Variants in HEXD observed in about 807,000 individuals in gnomAD.
HEXD encodes the protein N-acetyl-beta-galactosaminidase.
HEXD carries 47 observed loss-of-function variants against 54.2 expected under a neutral mutation model. That is an observed-to-expected ratio of 0.87 (90% CI 0.69 to 1.11). The LOEUF (loss-of-function observed/expected upper bound fraction) is 1.11, where lower values mean the gene tolerates loss of function less well. Among genes scored for constraint, HEXD ranks in the 50% least tolerant of loss-of-function variants. The pLI is 0.00. For missense variants in HEXD, 576 were observed against 649.2 expected (o/e 0.89, Z 1.23); for synonymous variants, 293 against 287.6 (o/e 1.02, Z -0.19).
chr17:82,442,243 G>A lies in HEXD; in HGVS notation c.1320G>A (p.Pro440=), dbSNP rs190909671. The A allele has an allele frequency of 6.5e-5, 105 of 1,606,136 alleles. No homozygotes were observed. The East Asian group carries it at 2.0e-3, about 30-fold the overall frequency. The change falls in exon 13 of 13, where the codon CCG becomes CCA. Residue 440 remains proline, a synonymous_variant. Coordinates refer to ENST00000327949, the MANE Select transcript of HEXD (RefSeq NM_001330542.2). The surrounding 1 kb of genome is among the most constrained non-coding windows in gnomAD (Gnocchi z 6.8). ...LEAALQLAFY[P]DAVEEWLEEN... is the part of the protein sequence containing the mutation. ...CTGCCCTGCAGCTGGCTTTCTACCCGGATGCCGTGGAGGAGTGGCTGGAGG... is the reference window on the plus strand; with the variant it reads ...CTGCCCTGCAGCTGGCTTTCTACCCAGATGCCGTGGAGGAGTGGCTGGAGG...
chr17:82,437,892 G>A (rs1048661862), intron 8 of HEXD, among the ~76,000 whole-genome samples: 1 of 152,154 alleles, frequency 6.6e-6, no homozygotes, highest in African/African-American at 2.4e-5. Context: ...TCTTGTCTAC[G>A]TAAACACTAA....
chr17:82,442,000 A>G, intron 12 of HEXD, 111 bp downstream of exon 12: 1 of 1,327,678 alleles, frequency 7.5e-7, no homozygotes, highest in Non-Finnish European at 1.1e-6. Flanking sequence ...TAGTTGTAAA[A>G]GGCCCTCTGG....
rs1213249693 is a variant in HEXD at position 82,434,456 on chromosome 17, C to T, written c.447+634C>T. Among the ~76,000 whole-genome samples the T allele has an allele frequency of 2.6e-5, 4 of 152,278 alleles. No individual in the cohort carries two copies. Among genetic ancestry groups the T allele is most frequent in the East Asian group, 3.9e-4 (2 of 5,178 alleles). ...GCAGGGCTGTGGCTCACAGGGAACC[C>T]GAGCTGAACATTTTAGCCCCAGAAG... On this transcript the variant is annotated intron_variant, in intron 5 of 12. Transcript: ENST00000327949. This position sits in a 1 kb window ranked among gnomAD's most constrained non-coding sequence, Gnocchi z 4.5.
At position 82,435,876 on chromosome 17, in the gene HEXD, G is replaced by T. The variant is rs762845102; in HGVS notation, c.631+4G>T. ...CTGCCTGAGGACCAGCTCGCAGGTC[G>T]GCCAACAGGGCTGGGGGAGGGGGTG... On this transcript the variant is annotated splice_donor_region_variant and intron_variant, in intron 6 of 12. Coordinates refer to ENST00000327949, the MANE Select transcript of HEXD (RefSeq NM_001330542.2). The T allele has an allele frequency of 1.2e-6, 2 of 1,601,004 alleles. No homozygotes were observed. Among genetic ancestry groups the T allele is most frequent in the Admixed American group, 1.7e-5 (1 of 59,768 alleles).
chr17:82,423,919 C>T (rs1208616119), intron 2 of HEXD, among the ~76,000 whole-genome samples: 2 of 152,066 alleles, frequency 1.3e-5, no homozygotes, highest in Non-Finnish European at 2.9e-5. Flanking sequence ...ACCCCTCTCT[C>T]ACCTCCCCCA....
In HEXD at chr17:82,424,465, G is replaced by A. The variant is rs375075827; in HGVS notation, c.156G>A (p.Glu52=). ...LIEYEDMFPY[E]GPLRLLRAKY... is the part of the protein sequence containing the mutation. ...AGTATGAAGACATGTTTCCCTACGA[G>A]GGCCCTCTGAGGCTGCTGAGGGCCA... The change falls in exon 3 of 13, where the codon GAG becomes GAA. Residue 52 remains glutamate, a synonymous_variant. Coordinates refer to ENST00000327949, the MANE Select transcript of HEXD (RefSeq NM_001330542.2). 5.6e-6 allele frequency: 9 copies of A among 1,613,898 alleles called. No individual in the cohort carries two copies. The Middle Eastern group carries it at 4.9e-4, about 88-fold the overall frequency.
chr17:82,419,094 A>G (rs1163371346), intron 1 of HEXD, among the ~76,000 whole-genome samples: 6 of 152,168 alleles, frequency 3.9e-5, no homozygotes, highest in African/African-American at 1.4e-4. Flanking sequence ...TTGTGCTTTC[A>G]TAGTAGATAG....
Position 82,418,414 on chromosome 17 carries a change from G to GC in HEXD, c.-377dup. Reference sequence around the variant, plus strand: ...GCCCTTCCCCTCCTCACCGCTACCTGCTCCGGTTCCGGCGCTCGGCCGCTC... The same window carrying GC: ...GCCCTTCCCCTCCTCACCGCTACCTGCCTCCGGTTCCGGCGCTCGGCCGCTC... On this transcript the variant is annotated 5_prime_UTR_variant, in exon 1 of 13. An upstream open reading frame in the 5' UTR gains an earlier in-frame stop. Coordinates refer to ENST00000327949, the MANE Select transcript of HEXD (RefSeq NM_001330542.2). 1 of 1,477,978 alleles carries GC rather than the reference G, an allele frequency of 6.8e-7. No individual in the cohort carries two copies. The allele number at this position is 1,477,978 out of a possible 1,614,324, so 91.6% of individuals were successfully genotyped here.
chr17:82,422,166 C>CAA (rs767984716), intron 2 of HEXD, among the ~76,000 whole-genome samples: 5 of 65,942 alleles, frequency 7.6e-5, no homozygotes, highest in Admixed American at 1.7e-4. Context: ...GACTCTGTCT[C>CAA]AAAAAAAAAA....
chr17:82,420,245 A>C (rs2053193147), intron 2 of HEXD: 1 of 162,518 alleles, frequency 6.2e-6, no homozygotes, highest in Non-Finnish European at 1.3e-5. Flanking sequence ...AATAAGATGA[A>C]GTTGTACTAG....
chr17:82,428,205 G>A lies in HEXD; in HGVS notation c.195-353G>A, dbSNP rs138081072. On this transcript the variant is annotated intron_variant, in intron 3 of 12. Coordinates refer to ENST00000327949, the MANE Select transcript of HEXD (RefSeq NM_001330542.2). ...TCATCATGTTGGCCAGGCTGGTCTC[G>A]AACTCCTGACCTCAAGTGGTCTGCT... is the stretch of plus-strand genomic sequence containing the variant. 531 of 168,446 alleles carry A rather than the reference G, an allele frequency of 3.2e-3. 3 individuals carry two copies. Among genetic ancestry groups the A allele is most frequent in the African/African-American group, 0.012 (504 of 41,970 alleles). 10.4% of individuals were successfully genotyped at this position (168,446 alleles called of 1,614,324 possible).
chr17:82,442,494 G>C lies in HEXD; in HGVS notation c.*110G>C, dbSNP rs1169101655. 6.2e-7 allele frequency: 1 copy of C among 1,602,164 alleles called. No individual in the cohort carries two copies. Among genetic ancestry groups the C allele is most frequent in the South Asian group, 1.1e-5 (1 of 90,912 alleles). On this transcript the variant is annotated 3_prime_UTR_variant, in exon 13 of 13. Transcript: ENST00000327949. This position sits in a 1 kb window ranked among gnomAD's most constrained non-coding sequence, Gnocchi z 6.8. ...GGGCGTCGTGCCCTCTGGCCCAGCAGTGTCTTGCCCACACTCAGTTCCTGA... is the reference window on the plus strand; with the variant it reads ...GGGCGTCGTGCCCTCTGGCCCAGCACTGTCTTGCCCACACTCAGTTCCTGA...
At chr17:82,439,548 A>G in intron 8 of HEXD, 83 bp from the exon 9 acceptor site, 1 of 1,493,670 alleles carries the variant, frequency 6.7e-7, no homozygotes. Flanking sequence ...CTGGAACAAC[A>G]GCAGGGACGT....
At chr17:82,436,841 G>A in intron 7 of HEXD, 103 bp downstream of exon 7, 1 of 1,112,728 alleles carries the variant, frequency 9.0e-7, no homozygotes, top group Non-Finnish European at 1.3e-6. Context: ...CCTGGAGCCT[G>A]CACGGGTAGA....
At chr17:82,436,595 G>T in intron 6 of HEXD, 72 bp from the exon 7 acceptor site, 2 of 1,297,764 alleles carry the variant, frequency 1.5e-6, no homozygotes, top group South Asian at 1.3e-5. Flanking sequence ...AGCAAAACGA[G>T]AACAGGTGGG....
chr17:82,422,785 G>C (rs945687563), intron 2 of HEXD, among the ~76,000 whole-genome samples: 1 of 152,012 alleles, frequency 6.6e-6, no homozygotes. Context: ...GGCCAGGCGC[G>C]GTGGCTCATG....
At position 82,419,766 on chromosome 17, in the gene HEXD, G is replaced by T. The variant is rs765449911; in HGVS notation, c.-34G>T. On this transcript the variant is annotated 5_prime_UTR_variant, in exon 2 of 13. Transcript: ENST00000327949. ...TCCACTAGGAAGAAGTCCCCAAGGAGACTTCGCCATAGGAGTTCACAGGAA... is the reference window on the plus strand; with the variant it reads ...TCCACTAGGAAGAAGTCCCCAAGGATACTTCGCCATAGGAGTTCACAGGAA... The T allele has an allele frequency of 2.1e-6, 3 of 1,409,198 alleles. No individual in the cohort carries two copies. The South Asian group carries it at 3.5e-5, about 16-fold the overall frequency. The allele number at this position is 1,409,198 out of a possible 1,614,324, so 87.3% of individuals were successfully genotyped here.
intron 9 of HEXD, chr17:82,440,200 A>T: frequency 7.8e-7 from 1 of 1,289,180 alleles, no homozygotes; most frequent in Non-Finnish European, 1.0e-6. Context: ...TGGCCAGAGG[A>T]GCTGTGTGTG....
At chr17:82,438,026 C>G (rs1025042865) in intron 8 of HEXD, among the ~76,000 whole-genome samples, 1 of 152,110 alleles carries the variant, frequency 6.6e-6, no homozygotes, top group Non-Finnish European at 1.5e-5. Flanking sequence ...CACCTGAGGT[C>G]CAGAGTTCGT....
Sources: gnomAD v4.1 joint callset for allele counts (sites outside exome capture counted in the v4.1 genomes callset) on GRCh38, gnomAD v4.1.1 for gene constraint, Gnocchi (gnomAD v3.1) non-coding constraint, MANE v1.5 for transcripts, NCBI Gene and HGNC (gene_info 2026-07-23, HGNC 2026-07-21) for gene names.